COG6: variants seen among roughly 807,000 people sequenced by gnomAD.
COG6 encodes the protein component of oligomeric golgi complex 6.
Under a neutral mutation model 88.8 loss-of-function variants are expected in COG6, and 74 were observed. The observed-to-expected ratio is 0.83, with a 90% CI of 0.69 to 1.01. COG6 has a LOEUF of 1.01. COG6 is among the 50% of genes least tolerant of loss of function. The pLI is 0.00. For missense variants in COG6, 800 were observed against 797.9 expected (o/e 1.00, Z -0.03); for synonymous variants, 286 against 278.7 (o/e 1.03, Z -0.26).
intron 13 of COG6, among the ~76,000 whole-genome samples, chr13:39,712,218 C>CT (rs921227206): frequency 1.3e-5 from 2 of 151,934 alleles, no homozygotes; most frequent in South Asian, 2.1e-4. Flanking sequence ...AATCTTAATT[C>CT]TTTTTTTTGG....
intron 13 of COG6, among the ~76,000 whole-genome samples, chr13:39,702,614 A>C (rs989911700): frequency 3.3e-5 from 5 of 152,114 alleles, no homozygotes; most frequent in Non-Finnish European, 7.4e-5. Context: ...CATAATTAAT[A>C]TTGACACACT....
intron 18 of COG6, among the ~76,000 whole-genome samples, chr13:39,732,749 A>G (rs1318109879): frequency 6.6e-6 from 1 of 152,214 alleles, no homozygotes; most frequent in African/African-American, 2.4e-5. Flanking sequence ...GGAGTCTTAG[A>G]GAATTGTGAG....
At chr13:39,690,947 A>T (rs1363496151) in intron 11 of COG6, among the ~76,000 whole-genome samples, 1 of 151,886 alleles carries the variant, frequency 6.6e-6, no homozygotes, top group Non-Finnish European at 1.5e-5. Flanking sequence ...GAAGAGGAGG[A>T]ATAAAATGAA....
At chr13:39,678,776 G>C (rs1876125266) in intron 5 of COG6, among the ~76,000 whole-genome samples, 1 of 151,954 alleles carries the variant, frequency 6.6e-6, no homozygotes, top group Admixed American at 6.6e-5. Context: ...CAGTCATTTG[G>C]GTGTAGAGAG....
chr13:39,691,681 T>A (rs1326209623), intron 11 of COG6, among the ~76,000 whole-genome samples: 1 of 151,896 alleles, frequency 6.6e-6, no homozygotes, highest in African/African-American at 2.4e-5. Context: ...TTTAAGAATT[T>A]TTTTTCTGTA....
chr13:39,692,090 T>C (rs1242310913), intron 11 of COG6, among the ~76,000 whole-genome samples: 1 of 152,026 alleles, frequency 6.6e-6, no homozygotes, highest in African/African-American at 2.4e-5. Context: ...AGGTAGTAGA[T>C]TAAATATTTG....
At chr13:39,756,297 A>G (rs1437623195), downstream of COG6, among the ~76,000 whole-genome samples, 1 of 152,144 alleles carries the variant, frequency 6.6e-6, no homozygotes, top group African/African-American at 2.4e-5. Flanking sequence ...GGCAGGAGAA[A>G]AAACTCAGAA....
Position 39,734,684 on chromosome 13 carries a change from C to T in COG6, c.1826+7136C>T, listed in dbSNP as rs113067574. ...TTCTCTCTGGGAAGTCTGTCCAGTG[C>T]TCAAAGTAGAGGGTTGAAGCCTCCA... On this transcript the variant is annotated intron_variant, in intron 18 of 18. Transcript: ENST00000455146. 2.6e-3 allele frequency among the ~76,000 whole-genome samples: 389 copies of T among 152,240 alleles called. 2 individuals are homozygous for T. Among genetic ancestry groups the T allele is most frequent in the African/African-American group, 8.9e-3 (370 of 41,548 alleles).
chr13:39,697,173 C>G (rs148388311), intron 12 of COG6, among the ~76,000 whole-genome samples: 2,080 of 151,418 alleles, frequency 0.014, 12 homozygotes, highest in Non-Finnish European at 0.02. Context: ...TCAAATAATA[C>G]AGAGAGAAAT....
At chr13:39,723,660 T>TAGATAGTTCTC (rs1211314277) in intron 16 of COG6, among the ~76,000 whole-genome samples, 1 of 151,790 alleles carries the variant, frequency 6.6e-6, no homozygotes, top group Non-Finnish European at 1.5e-5. Flanking sequence ...GCATAGTTCT[T>TAGATAGTTCTC]AGATGACTTC....
intron 4 of COG6, among the ~76,000 whole-genome samples, chr13:39,668,183 A>G (rs184090786): frequency 1.3e-5 from 2 of 152,206 alleles, no homozygotes; most frequent in African/African-American, 4.8e-5. Flanking sequence ...TTTGGCCTCC[A>G]TCCTCAGAGA....
At chr13:39,749,547 A>G (rs1340112286) in intron 18 of COG6, among the ~76,000 whole-genome samples, 1 of 152,230 alleles carries the variant, frequency 6.6e-6, no homozygotes, top group Non-Finnish European at 1.5e-5. Context: ...AGGAGTGGTA[A>G]AAGCTATATG....
chr13:39,723,191 A>G, intron 15 of COG6, 142 bp from the exon 16 acceptor site: 1 of 635,744 alleles, frequency 1.6e-6, no homozygotes, highest in Non-Finnish European at 2.8e-6. Flanking sequence ...TTTCATAGAA[A>G]GACTTACTGT....
intron 18 of COG6, among the ~76,000 whole-genome samples, chr13:39,746,062 A>G (rs1224464973): frequency 6.6e-6 from 1 of 151,926 alleles, no homozygotes; most frequent in Non-Finnish European, 1.5e-5. Context: ...GGCGGGGAAC[A>G]TCACACCCTG....
intron 18 of COG6, among the ~76,000 whole-genome samples, chr13:39,729,598 A>C (rs1879325677): frequency 6.6e-6 from 1 of 152,240 alleles, no homozygotes; most frequent in Non-Finnish European, 1.5e-5. Flanking sequence ...AACAACTCAC[A>C]GAAGTAATGG....
intron 5 of COG6, chr13:39,678,183 C>T (rs764357523): frequency 2.7e-6 from 1 of 365,328 alleles, no homozygotes; most frequent in Non-Finnish European, 5.3e-6. Context: ...CCTCTCATCT[C>T]AGCCTCCCAG....
intron 10 of COG6, among the ~76,000 whole-genome samples, chr13:39,688,831 G>A (rs534441388): frequency 1.3e-5 from 2 of 152,278 alleles, no homozygotes; most frequent in South Asian, 4.1e-4. Context: ...AGGGTTTAGT[G>A]TATGATTTTA....
In COG6 at chr13:39,660,871, G is replaced by A. The variant is rs770723867; in HGVS notation, c.359G>A (p.Ser120Asn). ...AGCAACTGTTGTCAAGATATGACAA[G>A]TCGCCTACAGGTATTATATAATGGC... ...AMSNCCQDMT[S>N]RLQAAKEQTQ... The change falls in exon 3 of 19, where the codon AGT (serine) becomes AAT (asparagine). Residue 120 changes from serine (S) to asparagine (N), a missense_variant. By Grantham distance (46) the Ser-to-Asn change is conservative. Coordinates refer to ENST00000455146, the MANE Select transcript of COG6 (RefSeq NM_020751.3). 6.3e-7 allele frequency: 1 copy of A among 1,591,938 alleles called. No individual in the cohort carries two copies. Among genetic ancestry groups the A allele is most frequent in the South Asian group, 1.1e-5 (1 of 90,718 alleles).
chr13:39,659,501 G>A lies in COG6; in HGVS notation c.291G>A (p.Val97=). ...NEEFVSIFKE[V]KEELESISED... ...AATTTGTAAGCATTTTCAAGGAAGT[G>A]AAGGAGGTATGTAAACTCTTTTCAT... The change falls in exon 2 of 19, where the codon GTG becomes GTA. Residue 97 remains valine, a synonymous_variant. Coordinates refer to ENST00000455146, the MANE Select transcript of COG6 (RefSeq NM_020751.3). The A allele has an allele frequency of 6.2e-7, 1 of 1,612,714 alleles. No individual in the cohort carries two copies. Among genetic ancestry groups the A allele is most frequent in the Non-Finnish European group, 8.5e-7 (1 of 1,179,252 alleles).
Sources: gnomAD v4.1 joint callset for allele counts (sites outside exome capture counted in the v4.1 genomes callset) on GRCh38, gnomAD v4.1.1 for gene constraint, MANE v1.5 for transcripts, NCBI Gene and HGNC (gene_info 2026-07-23, HGNC 2026-07-21) for gene names.